MFSD6: variants seen among roughly 807,000 people sequenced by gnomAD.
The protein encoded by MFSD6 is major facilitator superfamily domain-containing protein 6.
A neutral mutation model predicts 56.3 loss-of-function variants in MFSD6; 26 were observed. That is an observed-to-expected ratio of 0.46 (90% CI 0.34 to 0.64). MFSD6 has a LOEUF of 0.64. MFSD6 is among the 30% of genes least tolerant of loss of function. MFSD6 has a pLI of 0.01. For synonymous variants in MFSD6, 331 were observed against 366.9 expected (o/e 0.90, Z 1.12); for missense variants, 750 against 986.2 (o/e 0.76, Z 3.21).
intron 3 of MFSD6, among the ~76,000 whole-genome samples, chr2:190,441,028 A>G (rs138117767): frequency 6.6e-5 from 10 of 152,306 alleles, no homozygotes; most frequent in African/African-American, 2.4e-4. Flanking sequence ...ATAAGAGGGA[A>G]GAAACTCTGC....
Position 190,498,608 on chromosome 2 carries a change from T to C in MFSD6, c.2172+889T>C, listed in dbSNP as rs1689842110. Among the ~76,000 whole-genome samples the C allele has an allele frequency of 6.6e-6, 1 of 152,212 alleles. No individual in the cohort carries two copies. The highest frequency in any genetic ancestry group is 2.1e-4 in the South Asian group (1 of 4,832). On this transcript the variant is annotated intron_variant, in intron 7 of 7. Transcript: ENST00000392328. This position sits in a 1 kb window ranked among gnomAD's most constrained non-coding sequence, Gnocchi z 5.9. ...GCTAGTCCATGCATGATCCTATTTATTAATTTATCAAGATAATAAACTCAC... is the reference window on the plus strand; with the variant it reads ...GCTAGTCCATGCATGATCCTATTTACTAATTTATCAAGATAATAAACTCAC...
At chr2:190,444,155 A>T (rs1042232560) in intron 3 of MFSD6, among the ~76,000 whole-genome samples, 8 of 152,244 alleles carry the variant, frequency 5.3e-5, no homozygotes, top group African/African-American at 1.9e-4. Flanking sequence ...TGTGTAAAAA[A>T]ACTGTTGATT....
At chr2:190,435,787 A>G (rs1402524626) in intron 2 of MFSD6, 190 bp from the exon 3 acceptor site, 1 of 470,700 alleles carries the variant, frequency 2.1e-6, no homozygotes, top group African/African-American at 1.9e-5. Context: ...GTGGCCATAA[A>G]GAGTATTCGA....
intron 2 of MFSD6, among the ~76,000 whole-genome samples, chr2:190,428,825 A>C (rs1442912622): frequency 6.6e-6 from 1 of 152,072 alleles, no homozygotes; most frequent in African/African-American, 2.4e-5. Context: ...GGCATCTGCC[A>C]CCATGCCTGG....
In MFSD6 at chr2:190,426,316, A is replaced by G. The variant is rs1480220836; in HGVS notation, c.-53-9661A>G. On this transcript the variant is annotated intron_variant, in intron 2 of 7. Coordinates refer to ENST00000392328, the MANE Select transcript of MFSD6 (RefSeq NM_017694.4). The surrounding 1 kb of genome is among the most constrained non-coding windows in gnomAD (Gnocchi z 4.7). Reference sequence around the variant, plus strand: ...ACTCATTAATCCCTCTGTCCCCTTTATTCTGCTTTATTAAGTGTATCCATT... The same window carrying G: ...ACTCATTAATCCCTCTGTCCCCTTTGTTCTGCTTTATTAAGTGTATCCATT... 1.3e-5 allele frequency among the ~76,000 whole-genome samples: 2 copies of G among 151,690 alleles called. No individual in the cohort carries two copies. Among genetic ancestry groups the G allele is most frequent in the East Asian group, 1.9e-4 (1 of 5,176 alleles).
chr2:190,448,661 A>C (rs573653792), intron 3 of MFSD6, among the ~76,000 whole-genome samples: 6 of 152,316 alleles, frequency 3.9e-5, no homozygotes, highest in African/African-American at 1.2e-4. Context: ...AAGACATTTA[A>C]ATTTGTAGAG....
At chr2:190,468,197 C>G (rs962498412) in intron 3 of MFSD6, among the ~76,000 whole-genome samples, 1 of 152,130 alleles carries the variant, frequency 6.6e-6, no homozygotes, top group Admixed American at 6.5e-5. Context: ...TACTTTTCTC[C>G]TCCAAACACA....
chr2:190,449,980 A>G (rs951519295), intron 3 of MFSD6, among the ~76,000 whole-genome samples: 3 of 152,156 alleles, frequency 2.0e-5, no homozygotes, highest in South Asian at 2.1e-4. Flanking sequence ...TAACCTGCAC[A>G]TTGTGCACGT....
At position 190,489,857 on chromosome 2, in the gene MFSD6, G is replaced by A. The variant is rs1238180009; in HGVS notation, c.1882G>A (p.Glu628Lys). 4 of 1,613,644 alleles carry A rather than the reference G, an allele frequency of 2.5e-6. No homozygotes were observed. Among genetic ancestry groups the A allele is most frequent in the Admixed American group, 3.3e-5 (2 of 59,982 alleles). Residue 628 changes from glutamate (E) to lysine (K), a missense_variant, in exon 6 of 8, where the codon GAG becomes AAG. Physicochemically the swap from Glu to Lys is moderately conservative, Grantham distance 56. Coordinates refer to ENST00000392328, the MANE Select transcript of MFSD6 (RefSeq NM_017694.4). This position sits in a 1 kb window ranked among gnomAD's most constrained non-coding sequence, Gnocchi z 6.6. ...ALIQWLAVPD[E>K]EEDKTMLAER... ...GATCCAGTGGCTGGCAGTGCCAGAT[G>A]AGGAAGAAGGTAATTATTTCCATTC...
In MFSD6 at chr2:190,436,745, A is replaced by T. The variant is rs1331255821; in HGVS notation, c.716A>T (p.Asp239Val). The T allele has an allele frequency of 1.9e-6, 3 of 1,614,068 alleles. No homozygotes were observed. The African/African-American group carries it at 4.0e-5, about 22-fold the overall frequency. Residue 239 changes from aspartate to valine, a missense_variant, in exon 3 of 8, where the codon GAC (aspartate) becomes GTC (valine). Coordinates refer to ENST00000392328, the MANE Select transcript of MFSD6 (RefSeq NM_017694.4). The surrounding 1 kb of genome is among the most constrained non-coding windows in gnomAD (Gnocchi z 5.3). ...QTGEITNRMM[D>V]LTLNSSTATP... ...GGTGAAATTACTAACCGTATGATGG[A>T]CTTGACTTTGAACTCAAGCACAGCA...
At chr2:190,482,880 T>TG (rs1688765664) in intron 4 of MFSD6, among the ~76,000 whole-genome samples, 1 of 31,768 alleles carries the variant, frequency 3.1e-5, no homozygotes, top group African/African-American at 7.5e-5. Flanking sequence ...TTTTTTTTTT[T>TG]TTTTTTTTTT....
At position 190,451,194 on chromosome 2, in the gene MFSD6, A is replaced by G. The variant is rs373898059; in HGVS notation, c.1532+13633A>G. 2.6e-5 allele frequency among the ~76,000 whole-genome samples: 4 copies of G among 152,168 alleles called. No homozygotes were observed. The highest frequency in any genetic ancestry group is 9.7e-5 in the African/African-American group (4 of 41,440). ...ATGTGTGCATTTGATCTAGATTCAA[A>G]TCCCACACTTAGTCCTGTCTAACAT... On this transcript the variant is annotated intron_variant, in intron 3 of 7. Transcript: ENST00000392328. This position sits in a 1 kb window ranked among gnomAD's most constrained non-coding sequence, Gnocchi z 5.0.
rs568382114 is a variant in MFSD6, at chr2:190,431,540, C to CA, written c.-53-4430dup. 8.9e-3 allele frequency among the ~76,000 whole-genome samples: 1,354 copies of CA among 152,276 alleles called. 7 individuals carry two copies. The highest frequency in any genetic ancestry group is 0.014 in the Non-Finnish European group (980 of 68,016). ...CAACACAGCGAAACCCCGTCTCCAC[C>CA]AAAAAAATACGAAAACCAGTCAGGT... On this transcript the variant is annotated intron_variant, in intron 2 of 7. Transcript: ENST00000392328. The surrounding 1 kb of genome is among the most constrained non-coding windows in gnomAD (Gnocchi z 4.4).
In MFSD6 at chr2:190,417,414, C is replaced by T. The variant is rs1468302151; in HGVS notation, c.-54+2001C>T. 6.6e-6 allele frequency among the ~76,000 whole-genome samples: 1 copy of T among 152,164 alleles called. No homozygotes were observed. The highest frequency in any genetic ancestry group is 1.5e-5 in the Non-Finnish European group (1 of 68,028). ...CCTCTGTGTACATCACCTGTGCTTGCTCCTGTTTGAACATTTAGCATAAGG... is the reference window on the plus strand; with the variant it reads ...CCTCTGTGTACATCACCTGTGCTTGTTCCTGTTTGAACATTTAGCATAAGG... On this transcript the variant is annotated intron_variant, in intron 2 of 7. Transcript: ENST00000392328. The surrounding 1 kb of genome is among the most constrained non-coding windows in gnomAD (Gnocchi z 5.7).
intron 3 of MFSD6, among the ~76,000 whole-genome samples, chr2:190,455,534 G>A (rs1027751884): frequency 6.6e-6 from 1 of 152,156 alleles, no homozygotes; most frequent in Non-Finnish European, 1.5e-5. Flanking sequence ...CACGACCCTG[G>A]CAACTTGGTG....
chr2:190,438,494 C>T lies in MFSD6; in HGVS notation c.1532+933C>T, dbSNP rs1266511207. On this transcript the variant is annotated intron_variant, in intron 3 of 7. Transcript: ENST00000392328. The surrounding 1 kb of genome is among the most constrained non-coding windows in gnomAD (Gnocchi z 5.2). ...TCACACCACTGCACACCAGCCTGGGCAACAGAGTGAGACTCCATCTAAAAA... is the reference window on the plus strand; with the variant it reads ...TCACACCACTGCACACCAGCCTGGGTAACAGAGTGAGACTCCATCTAAAAA... 6.6e-6 allele frequency among the ~76,000 whole-genome samples: 1 copy of T among 152,206 alleles called. No individual in the cohort carries two copies. The highest frequency in any genetic ancestry group is 6.5e-5 in the Admixed American group (1 of 15,284).
At chr2:190,444,604 GTTTT>G (rs1341976201) in intron 3 of MFSD6, among the ~76,000 whole-genome samples, 2 of 152,078 alleles carry the variant, frequency 1.3e-5, no homozygotes, top group African/African-American at 2.4e-5. Context: ...TCAGTTTTGT[GTTTT>G]TTGTTTGTGT....
intron 6 of MFSD6, among the ~76,000 whole-genome samples, chr2:190,493,617 T>C (rs1689492497): frequency 6.6e-6 from 1 of 152,164 alleles, no homozygotes; most frequent in Non-Finnish European, 1.5e-5. Context: ...GACTATATGA[T>C]AGGCCATAAA....
intron 2 of MFSD6, among the ~76,000 whole-genome samples, chr2:190,430,595 A>G (rs1400215684): frequency 1.3e-5 from 2 of 152,076 alleles, no homozygotes; most frequent in African/African-American, 2.4e-5. Flanking sequence ...AAAGTCTCCC[A>G]TGTCTGCTTC....
Sources: allele counts gnomAD v4.1 joint callset (sites outside exome capture counted in the v4.1 genomes callset), GRCh38; gene constraint gnomAD v4.1.1; non-coding constraint Gnocchi (gnomAD v3.1); transcripts MANE v1.5; gene names NCBI Gene and HGNC (gene_info 2026-07-23, HGNC 2026-07-21).